Variants in DYNC2I1 observed in about 807,000 individuals in gnomAD.
DYNC2I1 encodes the protein cytoplasmic dynein 2 intermediate chain 1.
Under a neutral mutation model 133.4 loss-of-function variants are expected in DYNC2I1, and 89 were observed. The observed-to-expected ratio is 0.67, with a 90% confidence interval of 0.56 to 0.80. DYNC2I1 has a LOEUF of 0.80. Among genes scored for constraint, DYNC2I1 ranks in the 30% least tolerant of loss-of-function variants. The pLI is 0.00. For missense variants in DYNC2I1, 1,291 were observed against 1,314.5 expected (o/e 0.98, Z 0.28); for synonymous variants, 504 against 484.3 (o/e 1.04, Z -0.54).
chr7:158,948,687 T>C (rs375713330), downstream of DYNC2I1, among the ~76,000 whole-genome samples: 1 of 152,180 alleles, frequency 6.6e-6, no homozygotes, highest in East Asian at 1.9e-4. Context: ...TCCTGGAGGC[T>C]ACAGTCTGGT....
intron 8 of DYNC2I1, 85 bp from the exon 9 acceptor site, chr7:158,901,654 A>C (rs1000471613): frequency 1.2e-6 from 1 of 856,560 alleles, no homozygotes; most frequent in South Asian, 1.6e-5. Flanking sequence ...GGAATGTCAG[A>C]AAACATATAT....
chr7:158,862,219 A>T (rs886389563), intron 1 of DYNC2I1, among the ~76,000 whole-genome samples: 3 of 152,218 alleles, frequency 2.0e-5, no homozygotes, highest in Non-Finnish European at 4.4e-5. Flanking sequence ...TATAGAGACT[A>T]TCAGGGCCAC....
At chr7:158,877,401 C>T (rs73527699) in intron 4 of DYNC2I1, among the ~76,000 whole-genome samples, 2,785 of 152,340 alleles carry the variant, frequency 0.018, 79 homozygotes, top group African/African-American at 0.063. Context: ...ATTATAAAGA[C>T]ATCCAGATGG....
chr7:158,936,972 G>A (rs1850822560), intron 23 of DYNC2I1, among the ~76,000 whole-genome samples: 1 of 152,178 alleles, frequency 6.6e-6, no homozygotes, highest in Non-Finnish European at 1.5e-5. Context: ...ATCCTGCAAT[G>A]CAAAGACACA....
At chr7:158,926,131 CT>C (rs746004409) in intron 17 of DYNC2I1, 55 bp from the exon 18 acceptor site, 181 of 1,361,546 alleles carry the variant, frequency 1.3e-4, no homozygotes, top group Non-Finnish European at 7.3e-5. Flanking sequence ...GTGATGCGAA[CT>C]GCATTTCTTC....
At chr7:158,923,485 C>A in intron 16 of DYNC2I1, 86 bp from the exon 17 acceptor site, 3 of 1,589,606 alleles carry the variant, frequency 1.9e-6, no homozygotes, top group South Asian at 2.2e-5. Flanking sequence ...GAAACATGGT[C>A]AGACACCCCA....
chr7:158,915,835 G>C (rs78079463), intron 14 of DYNC2I1, among the ~76,000 whole-genome samples: 385 of 38,716 alleles, frequency 9.9e-3, no homozygotes, highest in East Asian at 0.041. Flanking sequence ...ATTGTGAAAC[G>C]TCAACACGCT....
At chr7:158,950,237 T>A (rs1299410215), downstream of DYNC2I1, among the ~76,000 whole-genome samples, 1 of 152,184 alleles carries the variant, frequency 6.6e-6, no homozygotes, top group East Asian at 1.9e-4. Context: ...CTGATTTTTG[T>A]ATTTTTAATA....
intron 6 of DYNC2I1, among the ~76,000 whole-genome samples, chr7:158,885,366 G>A (rs1844494298): frequency 6.8e-6 from 1 of 147,996 alleles, no homozygotes; most frequent in Admixed American, 6.8e-5. Context: ...TTTTGAGACA[G>A]AGTCTCACTT....
chr7:158,889,574 A>G (rs1338445541), intron 7 of DYNC2I1, among the ~76,000 whole-genome samples: 1 of 152,196 alleles, frequency 6.6e-6, no homozygotes, highest in African/African-American at 2.4e-5. Flanking sequence ...ATTGTTAACT[A>G]GAATTATAAT....
At chr7:158,919,747 T>C (rs572692357) in intron 15 of DYNC2I1, among the ~76,000 whole-genome samples, 6 of 152,376 alleles carry the variant, frequency 3.9e-5, no homozygotes, top group South Asian at 4.1e-4. Flanking sequence ...ATTTAACAAG[T>C]CTTCACATTC....
rs1362000892 is a variant in DYNC2I1 at position 158,871,535 on chromosome 7, G to A, written c.463G>A (p.Glu155Lys). The A allele has an allele frequency of 1.9e-6, 3 of 1,542,306 alleles. No individual in the cohort carries two copies. Among genetic ancestry groups the A allele is most frequent in the African/African-American group, 2.7e-5 (2 of 72,934 alleles). ...GGAGACACGCGACCGGCAGCTCCTGGAGCGGGCGGAGAGGAAAGGCCGCTC... is the reference window on the plus strand; with the variant it reads ...GGAGACACGCGACCGGCAGCTCCTGAAGCGGGCGGAGAGGAAAGGCCGCTC... ...GQETRDRQLL[E>K]RAERKGRSVS... Residue 155 changes from glutamate (E) to lysine (K), a missense_variant, in exon 3 of 25, where the codon GAG (glutamate) becomes AAG (lysine). Coordinates refer to ENST00000407559, the MANE Select transcript of DYNC2I1 (RefSeq NM_018051.5).
At chr7:158,954,129 C>G (rs1056408434) in intron 4 of DYNC2I1, among the ~76,000 whole-genome samples, 3 of 152,290 alleles carry the variant, frequency 2.0e-5, no homozygotes, top group African/African-American at 7.2e-5. Flanking sequence ...CACACACGCT[C>G]CTGTCTGCAC....
chr7:158,945,887 A>G lies in DYNC2I1; in HGVS notation c.*108A>G, dbSNP rs1438519256. On this transcript the variant is annotated 3_prime_UTR_variant, in exon 25 of 25. Coordinates refer to ENST00000407559, the MANE Select transcript of DYNC2I1 (RefSeq NM_018051.5). This position sits in a 1 kb window ranked among gnomAD's most constrained non-coding sequence, Gnocchi z 4.1. The stretch of plus-strand genomic sequence containing the variant: ...GTATATTTATGTATATAGACTATGT[A>G]TATTCTGTATATAATTTATTTTACA... 2 of 1,029,776 alleles carry G rather than the reference A, an allele frequency of 1.9e-6. No individual in the cohort carries two copies. The highest frequency in any genetic ancestry group is 2.6e-6 in the Non-Finnish European group (2 of 759,882). The allele number at this position is 1,029,776 out of a possible 1,614,324, so 63.8% of individuals were successfully genotyped here.
At chr7:158,941,799 G>A (rs1191506552) in intron 23 of DYNC2I1, 126 bp from the exon 24 acceptor site, 2 of 1,068,722 alleles carry the variant, frequency 1.9e-6, no homozygotes, top group Non-Finnish European at 2.7e-6. Context: ...GATTGATTGA[G>A]CCCGGGAGGT....
At chr7:158,874,871 C>T (rs1584989414) in intron 3 of DYNC2I1, among the ~76,000 whole-genome samples, 1 of 152,164 alleles carries the variant, frequency 6.6e-6, no homozygotes, top group East Asian at 1.9e-4. Flanking sequence ...CTTCCGGTAG[C>T]CCCTCCACAC....
At chr7:158,906,180 G>A in intron 11 of DYNC2I1, 89 bp downstream of exon 11, 1 of 1,141,194 alleles carries the variant, frequency 8.8e-7, no homozygotes, top group Non-Finnish European at 1.3e-6. Flanking sequence ...GTTTTAAAAT[G>A]CATTTTTACT....
upstream of DYNC2I1, among the ~76,000 whole-genome samples, chr7:158,856,067 G>C (rs1002146389): frequency 6.7e-6 from 1 of 149,764 alleles, no homozygotes; most frequent in African/African-American, 2.5e-5. Flanking sequence ...TCAGCCTCCC[G>C]AGTAGCTGGG....
intron 1 of DYNC2I1, among the ~76,000 whole-genome samples, chr7:158,862,434 T>A (rs1841941228): frequency 6.6e-6 from 1 of 152,002 alleles, no homozygotes; most frequent in South Asian, 2.1e-4. Flanking sequence ...TAGGTTAATT[T>A]ATGGCTATTG....
Sources: gnomAD v4.1 joint callset for allele counts (sites outside exome capture counted in the v4.1 genomes callset) on GRCh38, gnomAD v4.1.1 for gene constraint, Gnocchi (gnomAD v3.1) non-coding constraint, MANE v1.5 for transcripts, NCBI Gene and HGNC (gene_info 2026-07-23, HGNC 2026-07-21) for gene names.